Variants in CNTN3 observed in about 807,000 individuals in gnomAD.
CNTN3 encodes contactin-3.
Under a neutral mutation model 119.1 loss-of-function variants are expected in CNTN3, and 60 were observed. The observed-to-expected ratio is 0.50, with a 90% CI of 0.41 to 0.62. The LOEUF (loss-of-function observed/expected upper bound fraction) is 0.62. CNTN3 is among the 20% of genes least tolerant of loss of function. The pLI is 0.00. For missense variants in CNTN3, 1,101 were observed against 1,242.4 expected (o/e 0.89, Z 1.71); for synonymous variants, 450 against 438.7 (o/e 1.03, Z -0.32).
intron 5 of CNTN3, among the ~76,000 whole-genome samples, chr3:74,398,551 T>G (rs573887129): frequency 6.6e-6 from 1 of 152,372 alleles, no homozygotes; most frequent in South Asian, 2.1e-4. Flanking sequence ...CATATTTGCT[T>G]TATTGAGGTG....
At chr3:74,379,371 G>C (rs1193465426) in intron 5 of CNTN3, among the ~76,000 whole-genome samples, 1 of 152,088 alleles carries the variant, frequency 6.6e-6, no homozygotes, top group Non-Finnish European at 1.5e-5. Context: ...GGTCAGGCTG[G>C]TCTTGAACTC....
intron 5 of CNTN3, among the ~76,000 whole-genome samples, chr3:74,415,557 T>A (rs776341058): frequency 1.8e-4 from 27 of 152,280 alleles, no homozygotes; most frequent in Non-Finnish European, 2.4e-4. Flanking sequence ...ACACATATCA[T>A]CCTAAAATGA....
At chr3:74,498,315 AT>A (rs767531533) in intron 3 of CNTN3, among the ~76,000 whole-genome samples, 1 of 151,894 alleles carries the variant, frequency 6.6e-6, no homozygotes, top group African/African-American at 2.4e-5. Context: ...TAAGAAGAAA[AT>A]ATTTCCAGAT....
rs1701595618 is a variant in CNTN3, at chr3:74,262,586, T to C, written c.*1815A>G. The stretch of plus-strand genomic sequence containing the variant: ...ACACTCATTTGCTTGTTATAAATTT[T>C]ATTAGAATAGAAAATAATACATACA... On this transcript the variant is annotated 3_prime_UTR_variant, in exon 23 of 23. Transcript: ENST00000263665. The C allele has an allele frequency of 6.6e-6, 1 of 152,574 alleles. No individual in the cohort carries two copies. The highest frequency in any genetic ancestry group is 1.5e-5 in the Non-Finnish European group (1 of 68,012). The allele number at this position is 152,574 out of a possible 1,614,324, so 9.5% of individuals were successfully genotyped here.
intron 1 of CNTN3, among the ~76,000 whole-genome samples, chr3:74,559,229 A>C (rs1384753846): frequency 6.6e-6 from 1 of 152,142 alleles, no homozygotes; most frequent in Non-Finnish European, 1.5e-5. Context: ...CAGCAAAATG[A>C]GGAAGGCAGA....
At chr3:74,439,351 A>G (rs1701922957) in intron 4 of CNTN3, among the ~76,000 whole-genome samples, 1 of 152,100 alleles carries the variant, frequency 6.6e-6, no homozygotes, top group African/African-American at 2.4e-5. Flanking sequence ...TACTAAAAAT[A>G]CAAAAATTAG....
chr3:74,469,840 C>A (rs1354737147), intron 4 of CNTN3, among the ~76,000 whole-genome samples: 2 of 152,116 alleles, frequency 1.3e-5, no homozygotes, highest in African/African-American at 4.8e-5. Flanking sequence ...CTAGCAATCC[C>A]ACTCTTAGGT....
At chr3:74,430,888 G>C (rs545009511) in intron 4 of CNTN3, among the ~76,000 whole-genome samples, 1 of 151,936 alleles carries the variant, frequency 6.6e-6, no homozygotes, top group African/African-American at 2.4e-5. Flanking sequence ...CTTCCCCCAC[G>C]TTACCTACAG....
In CNTN3 at chr3:74,382,474, C is replaced by T. The variant is rs547733221; in HGVS notation, c.455-11075G>A. Among the ~76,000 whole-genome samples the T allele has an allele frequency of 6.6e-5, 10 of 152,018 alleles. 1 individual carries two copies. In the South Asian group the frequency reaches 1.5e-3, roughly 22 times the overall value. On this transcript the variant is annotated intron_variant, in intron 5 of 22. Transcript: ENST00000263665. ...CAAAAACACGTCCCTCCTATCTAAC[C>T]GAAATTTTGGACCCTTTGACCTACA...
chr3:74,536,851 A>G (rs1285076680), intron 1 of CNTN3, among the ~76,000 whole-genome samples: 1 of 152,144 alleles, frequency 6.6e-6, no homozygotes, highest in Non-Finnish European at 1.5e-5. Flanking sequence ...TGAGGATATT[A>G]AAGAACCAGG....
intron 2 of CNTN3, among the ~76,000 whole-genome samples, chr3:74,507,570 G>A (rs1453299562): frequency 6.7e-6 from 1 of 149,964 alleles, no homozygotes; most frequent in African/African-American, 2.5e-5. Context: ...ATGTCTGAGT[G>A]TATAAACACC....
intron 3 of CNTN3, 108 bp downstream of exon 3, chr3:74,499,551 T>A: frequency 9.8e-7 from 1 of 1,023,330 alleles, no homozygotes; most frequent in Non-Finnish European, 1.4e-6. Context: ...GCTTCACGTA[T>A]TTTTTTCTTA....
chr3:74,396,707 C>T (rs1055102230), intron 5 of CNTN3, among the ~76,000 whole-genome samples: 1 of 138,334 alleles, frequency 7.2e-6, no homozygotes, highest in Non-Finnish European at 1.5e-5. Flanking sequence ...GATCACACCA[C>T]TGCACTCCAG....
intron 13 of CNTN3, among the ~76,000 whole-genome samples, chr3:74,330,947 TTA>T (rs1393324965): frequency 6.6e-6 from 1 of 152,214 alleles, no homozygotes; most frequent in African/African-American, 2.4e-5. Context: ...AAGCTGGGTG[TTA>T]ATGACAAAAC....
chr3:74,491,814 G>A (rs576203120), intron 3 of CNTN3, among the ~76,000 whole-genome samples: 1 of 152,202 alleles, frequency 6.6e-6, no homozygotes, highest in South Asian at 2.1e-4. Context: ...GAATTTAAAA[G>A]TTCACCAGGA....
At chr3:74,470,984 C>G (rs1214163922) in intron 4 of CNTN3, among the ~76,000 whole-genome samples, 3 of 152,024 alleles carry the variant, frequency 2.0e-5, no homozygotes, top group African/African-American at 2.4e-5. Context: ...TCAAGCGATT[C>G]TCCTGCCTCA....
intron 20 of CNTN3, among the ~76,000 whole-genome samples, chr3:74,277,004 C>T (rs1056254170): frequency 2.6e-5 from 4 of 152,060 alleles, no homozygotes; most frequent in African/African-American, 7.2e-5. Context: ...ACTAGGAATA[C>T]CTTTTCTCAC....
chr3:74,507,279 G>A (rs9831163), intron 2 of CNTN3, among the ~76,000 whole-genome samples: 5,684 of 152,060 alleles, frequency 0.037, 122 homozygotes, highest in East Asian at 0.083. Context: ...TTAGTGGGGC[G>A]CAGTAGTGCA....
chr3:74,362,048 G>A lies in CNTN3; in HGVS notation c.1214-8C>T. 6.2e-7 allele frequency: 1 copy of A among 1,612,496 alleles called. No homozygotes were observed. The highest frequency in any genetic ancestry group is 8.5e-7 in the Non-Finnish European group (1 of 1,179,080). On this transcript the variant is annotated splice_region_variant and splice_polypyrimidine_tract_variant and intron_variant, in intron 10 of 22. Coordinates refer to ENST00000263665, the MANE Select transcript of CNTN3 (RefSeq NM_020872.3). Reference sequence around the variant, plus strand: ...AAAAATCTGGAGCAGAAGCTGAAAGGCAAGAAAGGAGAGAAGGAGAAGTGG... The same window carrying A: ...AAAAATCTGGAGCAGAAGCTGAAAGACAAGAAAGGAGAGAAGGAGAAGTGG...
Sources: gnomAD v4.1 joint callset for allele counts (sites outside exome capture counted in the v4.1 genomes callset) on GRCh38, gnomAD v4.1.1 for gene constraint, MANE v1.5 for transcripts, NCBI Gene and HGNC (gene_info 2026-07-23, HGNC 2026-07-21) for gene names.